The following CDH8 variants were observed in gnomAD, a reference collection of about 807,000 sequenced individuals.
The protein encoded by CDH8 is cadherin-8.
A neutral mutation model predicts 68.1 loss-of-function variants in CDH8; 17 were observed. The observed-to-expected ratio is 0.25, with a 90% CI of 0.17 to 0.37. The LOEUF is 0.37. Ranked by LOEUF, CDH8 falls within the 10% of genes least tolerant of loss-of-function variation. The pLI is 1.00. For missense variants in CDH8, 763 were observed against 999.3 expected (o/e 0.76, Z 3.19); for synonymous variants, 372 against 365.1 (o/e 1.02, Z -0.21).
At chr16:61,944,227 G>A (rs1322971698) in intron 2 of CDH8, among the ~76,000 whole-genome samples, 5 of 152,184 alleles carry the variant, frequency 3.3e-5, no homozygotes, top group African/African-American at 1.2e-4. Flanking sequence ...TGAGTGCCCC[G>A]TGAATTTTGC....
intron 7 of CDH8, among the ~76,000 whole-genome samples, chr16:61,792,428 T>C (rs1467360305): frequency 6.6e-6 from 1 of 151,984 alleles, no homozygotes; most frequent in Non-Finnish European, 1.5e-5. Flanking sequence ...TATTGCCTAG[T>C]AGACTTTATG....
At position 61,654,061 on chromosome 16, in the gene CDH8, A is replaced by G. The variant is rs1963387609; in HGVS notation, c.1947T>C (p.Asn649=). Residue 649 remains asparagine, a synonymous_variant, in exon 12 of 12, where the codon AAT becomes AAC. Coordinates refer to ENST00000577390, the MANE Select transcript of CDH8 (RefSeq NM_001796.5). ...VLFVTLRRHK[N]EPLIIKDDED... ...CATCATCTTTGATAATTAATGGTTCATTTTTATGCCGCCGTAGAGTTACAA... is the reference window on the plus strand; with the variant it reads ...CATCATCTTTGATAATTAATGGTTCGTTTTTATGCCGCCGTAGAGTTACAA... The G allele has an allele frequency of 6.2e-7, 1 of 1,614,130 alleles. No homozygotes were observed. Among genetic ancestry groups the G allele is most frequent in the Non-Finnish European group, 8.5e-7 (1 of 1,180,016 alleles).
intron 8 of CDH8, among the ~76,000 whole-genome samples, chr16:61,784,135 G>T (rs62050522): frequency 0.04 from 6,014 of 151,586 alleles, 180 homozygotes; most frequent in Admixed American, 0.088. Flanking sequence ...AAAAGACACA[G>T]ACTGGCAAAT....
At chr16:61,677,334 T>A (rs971516759) in intron 10 of CDH8, among the ~76,000 whole-genome samples, 1 of 151,376 alleles carries the variant, frequency 6.6e-6, no homozygotes, top group Non-Finnish European at 1.5e-5. Context: ...TTTTCCTTAC[T>A]GGCATCTTTC....
intron 7 of CDH8, among the ~76,000 whole-genome samples, chr16:61,792,515 C>A (rs537831486): frequency 1.3e-5 from 2 of 152,104 alleles, no homozygotes; most frequent in African/African-American, 2.4e-5. Flanking sequence ...GCATGAAACA[C>A]CAAATTTGTA....
chr16:61,742,991 C>G (rs1023824420), intron 8 of CDH8, among the ~76,000 whole-genome samples: 1 of 152,028 alleles, frequency 6.6e-6, no homozygotes, highest in Admixed American at 6.6e-5. Flanking sequence ...TTTTGCAAAG[C>G]CTGCGTTTTT....
At chr16:61,909,211 A>G (rs1964118786) in intron 2 of CDH8, among the ~76,000 whole-genome samples, 1 of 152,160 alleles carries the variant, frequency 6.6e-6, no homozygotes, top group African/African-American at 2.4e-5. Context: ...AGCGTTGAAC[A>G]GCTTGACCTG....
At chr16:61,749,878 C>T (rs1045225767) in intron 8 of CDH8, among the ~76,000 whole-genome samples, 2 of 152,032 alleles carry the variant, frequency 1.3e-5, no homozygotes, top group Admixed American at 1.3e-4. Flanking sequence ...TTGTACTTTA[C>T]TGGCACCTTT....
intron 2 of CDH8, among the ~76,000 whole-genome samples, chr16:61,907,129 T>C (rs748133448): frequency 1.6e-4 from 25 of 152,142 alleles, no homozygotes; most frequent in Non-Finnish European, 3.4e-4. Flanking sequence ...GAGCCTAAAG[T>C]AATCCTAGGA....
intron 8 of CDH8, among the ~76,000 whole-genome samples, chr16:61,760,488 T>C (rs1274629799): frequency 6.6e-6 from 1 of 151,850 alleles, no homozygotes; most frequent in Non-Finnish European, 1.5e-5. Flanking sequence ...TTTTTTTGAA[T>C]TTTTAGTAGA....
At chr16:61,761,184 A>G (rs1419585203) in intron 8 of CDH8, among the ~76,000 whole-genome samples, 1 of 152,202 alleles carries the variant, frequency 6.6e-6, no homozygotes, top group African/African-American at 2.4e-5. Context: ...ACAATATTTG[A>G]TCAGAAAAAC....
intron 7 of CDH8, among the ~76,000 whole-genome samples, chr16:61,801,684 C>G (rs908384937): frequency 6.6e-6 from 1 of 152,140 alleles, no homozygotes; most frequent in African/African-American, 2.4e-5. Flanking sequence ...GTTCCCTTTC[C>G]GAGTCAAAGA....
chr16:61,907,965 C>A (rs1388326812), intron 2 of CDH8, among the ~76,000 whole-genome samples: 2 of 149,376 alleles, frequency 1.3e-5, no homozygotes, highest in East Asian at 4.0e-4. Context: ...ATGGTGTGAA[C>A]CCTGGAGGTG....
chr16:61,902,275 T>G (rs1963987847), intron 2 of CDH8, among the ~76,000 whole-genome samples: 1 of 152,150 alleles, frequency 6.6e-6, no homozygotes, highest in Admixed American at 6.5e-5. Flanking sequence ...ACTGAATTTG[T>G]GTGTCAGGCA....
At chr16:61,869,630 A>C (rs555758034) in intron 3 of CDH8, among the ~76,000 whole-genome samples, 4 of 152,330 alleles carry the variant, frequency 2.6e-5, no homozygotes, top group African/African-American at 9.6e-5. Flanking sequence ...GCACAAATCT[A>C]TGTATGCAAC....
chr16:61,735,595 G>A (rs1959656585), intron 8 of CDH8, among the ~76,000 whole-genome samples: 3 of 152,054 alleles, frequency 2.0e-5, no homozygotes, highest in Admixed American at 1.3e-4. Flanking sequence ...GTAATCCATA[G>A]TATTTTAAGA....
intron 10 of CDH8, among the ~76,000 whole-genome samples, chr16:61,673,769 CCAAA>C (rs1963841737): frequency 6.6e-6 from 1 of 151,856 alleles, no homozygotes; most frequent in Non-Finnish European, 1.5e-5. Context: ...CAAGTAAAGC[CCAAA>C]CAGAGGATGA....
At chr16:61,690,636 C>T (rs1964200939) in intron 10 of CDH8, among the ~76,000 whole-genome samples, 1 of 149,562 alleles carries the variant, frequency 6.7e-6, no homozygotes, top group Non-Finnish European at 1.5e-5. Context: ...GCTTTCTGGT[C>T]TTTGTTGTTG....
intron 10 of CDH8, among the ~76,000 whole-genome samples, chr16:61,707,537 T>C (rs988704996): frequency 2.0e-5 from 3 of 152,174 alleles, no homozygotes; most frequent in Non-Finnish European, 2.9e-5. Flanking sequence ...GCAGAGTGCC[T>C]GCTTTTTTGT....
Sources: allele counts gnomAD v4.1 joint callset (sites outside exome capture counted in the v4.1 genomes callset), GRCh38; gene constraint gnomAD v4.1.1; transcripts MANE v1.5; gene names NCBI Gene and HGNC (gene_info 2026-07-23, HGNC 2026-07-21).